The following CEP72 variants were observed in gnomAD, a reference collection of about 807,000 sequenced individuals.
CEP72 encodes centrosomal protein 72, also known as centrosomal protein of 72 kDa.
Under a neutral mutation model 65.7 loss-of-function variants are expected in CEP72, and 78 were observed. That is an observed-to-expected ratio of 1.19 (90% CI 0.99 to 1.43). CEP72 has a LOEUF of 1.43. Ranked by LOEUF, CEP72 falls within the 40% of genes most tolerant of loss-of-function variation. CEP72 has a pLI of 0.00. For missense variants in CEP72, 914 were observed against 832.9 expected (o/e 1.10, Z -1.20); for synonymous variants, 358 against 351.7 (o/e 1.02, Z -0.20).
chr5:669,420 G>A (rs959216360), downstream of CEP72, among the ~76,000 whole-genome samples: 1 of 152,284 alleles, frequency 6.6e-6, no homozygotes, highest in Admixed American at 6.5e-5. Context: ...ACCCCAGGCA[G>A]CCCACAGTGC....
intron 4 of CEP72, among the ~76,000 whole-genome samples, chr5:633,048 A>C (rs370827706): frequency 1.0e-4 from 3 of 29,734 alleles, no homozygotes; most frequent in Admixed American, 3.7e-4. Context: ...CGGGATTTAG[A>C]CCAGTCCTGG....
intron 4 of CEP72, among the ~76,000 whole-genome samples, chr5:633,307 T>C (rs866886636): frequency 8.4e-6 from 1 of 118,784 alleles, no homozygotes; most frequent in Non-Finnish European, 1.8e-5. Flanking sequence ...TTCTGTTCAG[T>C]GCCGGGATTT....
intron 5 of CEP72, 141 bp from the exon 6 acceptor site, chr5:635,231 C>T: frequency 4.6e-6 from 3 of 648,708 alleles, no homozygotes; most frequent in Non-Finnish European, 8.0e-6. Flanking sequence ...ACTGTGGATT[C>T]ATTTCAGTGT....
In CEP72 at chr5:665,099, G is replaced by A. The variant is rs562343856; in HGVS notation, n.288-81G>A. 4.0e-5 allele frequency: 65 copies of A among 1,608,514 alleles called. No individual in the cohort carries two copies. In the East Asian group the frequency reaches 1.4e-3, roughly 34 times the overall value. On this transcript the variant is annotated intron_variant and non_coding_transcript_variant, in intron 2 of 4. Coordinates refer to the CEP72 transcript ENST00000514507. ...GGCAGTGCCGCGAGGCATGGAGCGG[G>A]GGCTACTTGCCCCCTTGCACCTTCT...
chr5:614,574 G>A (rs1482537371), intron 1 of CEP72, among the ~76,000 whole-genome samples: 3 of 150,698 alleles, frequency 2.0e-5, no homozygotes, highest in Non-Finnish European at 2.9e-5. Context: ...TCAGCCTCCC[G>A]AGTAGCTGGA....
At chr5:656,768 G>A (rs2126840641), downstream of CEP72, among the ~76,000 whole-genome samples, 1 of 152,036 alleles carries the variant, frequency 6.6e-6, no homozygotes, top group Non-Finnish European at 1.5e-5. Flanking sequence ...TTTTTGTTTT[G>A]TTTTTTGCTT....
intron 9 of CEP72, chr5:640,809 C>A (rs1426729242): frequency 1.0e-6 from 1 of 985,362 alleles, no homozygotes; most frequent in African/African-American, 1.7e-5. Flanking sequence ...ACTTTGGAGA[C>A]AGCAGTGGCG....
At chr5:673,703 G>C in the CEP72 span, among the ~76,000 whole-genome samples, 2 of 152,156 alleles carry the variant, frequency 1.3e-5, no homozygotes, top group African/African-American at 4.8e-5. Flanking sequence ...CCCAAGGCTG[G>C]TCCCCGGCCC....
rs1214257511 is a variant in CEP72 at position 637,534 on chromosome 5, G to C, written c.922G>C (p.Asp308His). Residue 308 changes from aspartate to histidine, a missense_variant, in exon 7 of 12, where the codon GAC (aspartate) becomes CAC (histidine). Asp to His is a moderately conservative substitution (Grantham distance 81). Transcript: ENST00000264935. ...TPHPDSMDTE[D>H]SASSQKLDLS... ...TATCTCAGACTCCATGGATACCGAG[G>C]ACTCGGCCTCTTCTCAGAAGTTGGA... The C allele has an allele frequency of 1.2e-6, 2 of 1,613,744 alleles. No homozygotes were observed. The highest frequency in any genetic ancestry group is 1.7e-5 in the Admixed American group (1 of 60,006).
chr5:615,119 A>G (rs1313445720), intron 1 of CEP72, among the ~76,000 whole-genome samples: 1 of 140,946 alleles, frequency 7.1e-6, no homozygotes, highest in East Asian at 2.0e-4. Context: ...CCCTTTTAGT[A>G]TATGTAGTCT....
chr5:635,527 G>A lies in CEP72; in HGVS notation c.847G>A (p.Ala283Thr), dbSNP rs764702047. 1 of 1,613,414 alleles carries A rather than the reference G, an allele frequency of 6.2e-7. No individual in the cohort carries two copies. The highest frequency in any genetic ancestry group is 1.1e-5 in the South Asian group (1 of 91,068). ...LCGELPPLYG[A>T]EPEASRAPRP... ...TGGAGAGCTTCCGCCACTGTACGGA[G>A]CGGAGCCAGAGGCCTCCCGTGCCCC... Residue 283 changes from alanine to threonine, a missense_variant, in exon 6 of 12, where the codon GCG (alanine) becomes ACG (threonine). Transcript: ENST00000264935.
chr5:636,665 CTG>C (rs1737622101), intron 6 of CEP72, among the ~76,000 whole-genome samples: 1 of 151,972 alleles, frequency 6.6e-6, no homozygotes, highest in African/African-American at 2.4e-5. Flanking sequence ...ACAAAAATAT[CTG>C]GGCATGGTGG....
At chr5:628,633 GGCC>G in intron 4 of CEP72, among the ~76,000 whole-genome samples, 4 of 119,072 alleles carry the variant, frequency 3.4e-5, no homozygotes, top group Admixed American at 8.6e-5. Flanking sequence ...CCCGGGGAGT[GGCC>G]CCAGGACCCA....
the CEP72 span, among the ~76,000 whole-genome samples, chr5:672,885 AAC>A: frequency 2.0e-5 from 3 of 152,380 alleles, no homozygotes; most frequent in Non-Finnish European, 4.4e-5. Context: ...TTTAAGATTT[AAC>A]ACATAGTAAC....
At chr5:656,840 G>A (rs184080059), downstream of CEP72, 21 of 152,236 alleles carry the variant, frequency 1.4e-4, no homozygotes, top group Admixed American at 4.6e-4. Flanking sequence ...AGTGGGCATC[G>A]TTGTCTTCTT....
intron 1 of CEP72, among the ~76,000 whole-genome samples, chr5:615,494 G>A (rs1165920808): frequency 6.6e-6 from 1 of 152,078 alleles, no homozygotes; most frequent in Non-Finnish European, 1.5e-5. Context: ...TGATATTACT[G>A]TTGTTACGGT....
chr5:654,397 CTA>C (rs1739311242), downstream of CEP72, among the ~76,000 whole-genome samples: 2 of 140,794 alleles, frequency 1.4e-5, no homozygotes, highest in Admixed American at 7.1e-5. Flanking sequence ...TGTGCACTTG[CTA>C]TGTGTGTGCT....
chr5:619,244 G>T, intron 2 of CEP72, 127 bp downstream of exon 2: 1 of 812,684 alleles, frequency 1.2e-6, no homozygotes, highest in Non-Finnish European at 2.0e-6. Context: ...TTTGTGTTGC[G>T]TATTTTTGTG....
chr5:643,215 AT>A, intron 9 of CEP72: 1 of 985,424 alleles, frequency 1.0e-6, no homozygotes, highest in Non-Finnish European at 1.2e-6. Context: ...AAAGAAACAA[AT>A]GAAAAAGAGC....
Sources: gnomAD v4.1 joint callset for allele counts (sites outside exome capture counted in the v4.1 genomes callset) on GRCh38, gnomAD v4.1.1 for gene constraint, MANE v1.5 for transcripts, NCBI Gene and HGNC (gene_info 2026-07-23, HGNC 2026-07-21) for gene names.